Variants in GALNTL6 observed in about 807,000 individuals in gnomAD.
GALNTL6 encodes polypeptide N-acetylgalactosaminyltransferase like 6.
A neutral mutation model predicts 73.7 loss-of-function variants in GALNTL6; 46 were observed. That is an observed-to-expected ratio of 0.62 (90% CI 0.49 to 0.80). The LOEUF (loss-of-function observed/expected upper bound fraction) is 0.80, where lower values mean the gene tolerates loss of function less well. Among genes scored for constraint, GALNTL6 ranks in the 30% least tolerant of loss-of-function variants. The probability of loss-of-function intolerance (pLI) is 0.00; values close to 1 mark genes in which losing one functional copy is unlikely to be tolerated. For missense variants in GALNTL6, 604 were observed against 755.0 expected, an observed-to-expected ratio of 0.80 and a Z score of 2.34; for synonymous variants, 259 against 263.7, an observed-to-expected ratio of 0.98 and a Z score of 0.17.
chr4:172,417,172 ATGTGTGTGTG>A (rs201314253), intron 5 of GALNTL6, among the ~76,000 whole-genome samples: 1 of 148,894 alleles, frequency 6.7e-6, no homozygotes, highest in Non-Finnish European at 1.5e-5. Flanking sequence ...CTGTTGCTTT[ATGTGTGTGTG>A]TGTGTGTGTG....
chr4:172,304,208 C>G (rs940611030), intron 3 of GALNTL6, among the ~76,000 whole-genome samples: 1 of 151,912 alleles, frequency 6.6e-6, no homozygotes, highest in African/African-American at 2.4e-5. Flanking sequence ...TCTTCATTTC[C>G]CCTGAGTAAT....
chr4:172,831,562 G>A (rs1475263388), intron 7 of GALNTL6, among the ~76,000 whole-genome samples: 1 of 152,210 alleles, frequency 6.6e-6, no homozygotes, highest in Non-Finnish European at 1.5e-5. Flanking sequence ...GACTTCCAGG[G>A]TAAGGAAACC....
rs371615164 is a variant in GALNTL6 at position 172,341,610 on chromosome 4, C to A, written c.387-6913C>A. Among the ~76,000 whole-genome samples, 35 of 152,140 alleles carry A rather than the reference C, an allele frequency of 2.3e-4. No homozygotes were observed. The South Asian group carries it at 3.9e-3, about 17-fold the overall frequency. The stretch of plus-strand genomic sequence containing the variant: ...GATGGAATCATGGGGGTGGGTCTTT[C>A]TTGTGCTGTTCTGGTGATAGTGAAT... On this transcript the variant is annotated intron_variant, in intron 4 of 12. Transcript: ENST00000506823.
At chr4:171,890,093 ATAGT>A (rs1201929056) in intron 2 of GALNTL6, among the ~76,000 whole-genome samples, 2 of 152,166 alleles carry the variant, frequency 1.3e-5, no homozygotes, top group Non-Finnish European at 2.9e-5. Context: ...TTCTAAAGGA[ATAGT>A]TAAAGTTTCT....
At chr4:172,922,315 A>G (rs1272791910) in intron 8 of GALNTL6, among the ~76,000 whole-genome samples, 1 of 152,124 alleles carries the variant, frequency 6.6e-6, no homozygotes, top group African/African-American at 2.4e-5. Context: ...CACTTTTTTT[A>G]GACTATCATC....
At chr4:172,916,042 T>C (rs1747488974) in intron 8 of GALNTL6, among the ~76,000 whole-genome samples, 1 of 152,136 alleles carries the variant, frequency 6.6e-6, no homozygotes, top group Non-Finnish European at 1.5e-5. Flanking sequence ...AAAAAGCTTA[T>C]CCACCACAAT....
chr4:172,888,103 A>C (rs1745829794), intron 8 of GALNTL6, among the ~76,000 whole-genome samples: 1 of 152,174 alleles, frequency 6.6e-6, no homozygotes, highest in African/African-American at 2.4e-5. Context: ...TGTCACATAC[A>C]TAGTTTGCAA....
At chr4:172,444,142 A>G (rs1323038428) in intron 5 of GALNTL6, among the ~76,000 whole-genome samples, 1 of 152,170 alleles carries the variant, frequency 6.6e-6, no homozygotes, top group African/African-American at 2.4e-5. Context: ...AGGTTTTAAG[A>G]CTAACACACT....
At chr4:171,835,326 C>G (rs938909824) in intron 2 of GALNTL6, among the ~76,000 whole-genome samples, 6 of 151,768 alleles carry the variant, frequency 4.0e-5, no homozygotes, top group African/African-American at 9.7e-5. Context: ...CTCCGTGTAT[C>G]TGTGTGTGTC....
chr4:172,695,169 G>T (rs1375126017), intron 5 of GALNTL6, among the ~76,000 whole-genome samples: 2 of 151,746 alleles, frequency 1.3e-5, no homozygotes, highest in African/African-American at 4.8e-5. Flanking sequence ...TTACAATGTC[G>T]ACATAAAAAA....
intron 5 of GALNTL6, among the ~76,000 whole-genome samples, chr4:172,358,438 G>A (rs999035887): frequency 2.6e-5 from 4 of 152,232 alleles, no homozygotes; most frequent in Admixed American, 1.3e-4. Context: ...GGCCGCGTGC[G>A]GCCCAGGCTG....
intron 5 of GALNTL6, among the ~76,000 whole-genome samples, chr4:172,629,075 A>G (rs1487885674): frequency 6.6e-6 from 1 of 152,162 alleles, no homozygotes; most frequent in Non-Finnish European, 1.5e-5. Flanking sequence ...CCACTCTTCC[A>G]AAAAATCACT....
intron 3 of GALNTL6, among the ~76,000 whole-genome samples, chr4:172,280,081 G>T (rs1237656642): frequency 6.6e-6 from 1 of 152,162 alleles, no homozygotes; most frequent in South Asian, 2.1e-4. Flanking sequence ...TACTAGGGGA[G>T]AAAGAAATGC....
At chr4:172,703,284 G>A (rs1237487377) in intron 5 of GALNTL6, among the ~76,000 whole-genome samples, 1 of 138,754 alleles carries the variant, frequency 7.2e-6, no homozygotes, top group Non-Finnish European at 1.5e-5. Context: ...GATCTTAGAA[G>A]AAAGGCTTTC....
intron 2 of GALNTL6, among the ~76,000 whole-genome samples, chr4:171,929,605 GC>G (rs1404690885): frequency 6.6e-6 from 1 of 152,208 alleles, no homozygotes; most frequent in African/African-American, 2.4e-5. Flanking sequence ...CGAGCAGCTA[GC>G]CAGCCCACTG....
chr4:172,700,957 A>AG (rs1733994604), intron 5 of GALNTL6, among the ~76,000 whole-genome samples: 1 of 152,150 alleles, frequency 6.6e-6, no homozygotes, highest in Admixed American at 6.6e-5. Context: ...AGGAAAAAAA[A>AG]GTGTTACATA....
At chr4:172,023,590 ATTTCT>A (rs529222449) in intron 2 of GALNTL6, among the ~76,000 whole-genome samples, 52 of 151,968 alleles carry the variant, frequency 3.4e-4, no homozygotes, top group African/African-American at 1.1e-3. Context: ...TATTCAATAC[ATTTCT>A]TTTCTTTAAC....
chr4:172,451,080 G>A (rs1486829489), intron 5 of GALNTL6, among the ~76,000 whole-genome samples: 1 of 152,136 alleles, frequency 6.6e-6, no homozygotes, highest in Non-Finnish European at 1.5e-5. Context: ...AAGGTTTTTT[G>A]TAGATTCTAG....
At chr4:172,167,589 C>T (rs889024233) in intron 2 of GALNTL6, among the ~76,000 whole-genome samples, 8 of 152,090 alleles carry the variant, frequency 5.3e-5, no homozygotes, top group Non-Finnish European at 8.8e-5. Flanking sequence ...CCATATGTGG[C>T]CTGTAAATGG....
Sources: allele counts gnomAD v4.1 joint callset (sites outside exome capture counted in the v4.1 genomes callset), GRCh38; gene constraint gnomAD v4.1.1; transcripts MANE v1.5; gene names NCBI Gene and HGNC (gene_info 2026-07-23, HGNC 2026-07-21).